TMTC1: variants seen among roughly 807,000 people sequenced by gnomAD.
TMTC1 encodes protein O-mannosyl-transferase TMTC1.
A neutral mutation model predicts 104.8 loss-of-function variants in TMTC1; 73 were observed. The ratio of observed to expected loss-of-function variants is 0.70; its 90% CI spans 0.58 to 0.85. The LOEUF (loss-of-function observed/expected upper bound fraction) is 0.85, where lower values mean the gene tolerates loss of function less well. Among genes scored for constraint, TMTC1 ranks in the 40% least tolerant of loss-of-function variants. The pLI, the probability that TMTC1 is intolerant of heterozygous loss-of-function variation, is 0.00. For missense variants in TMTC1, 1,035 were observed against 1,096.1 expected (o/e 0.94, Z 0.79); for synonymous variants, 434 against 428.7 (o/e 1.01, Z -0.15).
chr12:29,506,596 T>C lies in TMTC1; in HGVS notation c.*250A>G. The C allele has an allele frequency of 2.2e-6, 1 of 449,434 alleles. No individual in the cohort carries two copies. The highest frequency in any genetic ancestry group is 4.0e-6 in the Non-Finnish European group (1 of 249,268). 27.8% of individuals were successfully genotyped at this position (449,434 alleles called of 1,614,324 possible). On this transcript the variant is annotated 3_prime_UTR_variant, in exon 18 of 18. Transcript: ENST00000539277. The stretch of plus-strand genomic sequence containing the variant: ...TGGAGTTAAACCAAACAAAAATCTG[T>C]AAAATGTGTAAATGTCATTCTCCTT...
At chr12:29,745,922 A>G (rs2136956795) in intron 5 of TMTC1, among the ~76,000 whole-genome samples, 1 of 152,272 alleles carries the variant, frequency 6.6e-6, no homozygotes, top group South Asian at 2.1e-4. Flanking sequence ...ACATCTAAAG[A>G]CTTAACTATG....
Position 29,572,212 on chromosome 12 carries a change from T to C in TMTC1, c.1425A>G (p.Gly475=), listed in dbSNP as rs1592251743. 1 of 1,611,170 alleles carries C rather than the reference T, an allele frequency of 6.2e-7. No homozygotes were observed. Among genetic ancestry groups the C allele is most frequent in the East Asian group, 2.2e-5 (1 of 44,842 alleles). Residue 475 remains glycine (G), a synonymous_variant, in exon 9 of 18, where the codon GGA becomes GGG. Transcript: ENST00000539277. The part of the protein sequence containing the change: ...WLSRESLFRS[G]VQTLPHNAKV... ...TGGCATTGTGGGGCAGAGTTTGAAC[T>C]CCAGACCTAAAATGAATAAATTTTT... is the stretch of plus-strand genomic sequence containing the variant.
At chr12:29,731,523 CTG>C (rs1467671282) in intron 5 of TMTC1, among the ~76,000 whole-genome samples, 3 of 152,170 alleles carry the variant, frequency 2.0e-5, no homozygotes, top group South Asian at 2.1e-4. Flanking sequence ...AGAAAAGAAA[CTG>C]TTCAGGAACT....
intron 5 of TMTC1, among the ~76,000 whole-genome samples, chr12:29,644,034 AATATATAATTTAT>A (rs1241806812): frequency 7.1e-5 from 8 of 113,038 alleles, no homozygotes; most frequent in East Asian, 2.2e-4. Flanking sequence ...TATAAATATA[AATATATAATTTAT>A]ATATAAATAT....
intron 9 of TMTC1, among the ~76,000 whole-genome samples, chr12:29,564,957 A>T (rs1287151374): frequency 6.6e-6 from 1 of 152,216 alleles, no homozygotes; most frequent in African/African-American, 2.4e-5. Flanking sequence ...GATCAGCCTT[A>T]GGCGTGAAAA....
In TMTC1 at chr12:29,556,928, C is replaced by A. The variant is rs769221124; in HGVS notation, c.1605G>T (p.Met535Ile). Reference protein sequence around the residue: ...TLTRDTAEAKMYYQRALQLHP... With the variant: ...TLTRDTAEAKIYYQRALQLHP... ...GGAGCTGGAGAGCCCTCTGATAGTA[C>A]ATCTTTGCCTCTGCTGTGTCTCTCG... is the stretch of plus-strand genomic sequence containing the variant. The change falls in exon 10 of 18, where the codon ATG becomes ATT. Residue 535 changes from methionine (M) to isoleucine (I), a missense_variant. Met to Ile is a conservative substitution (Grantham distance 10, BLOSUM62 1). Transcript: ENST00000539277. 6.2e-7 allele frequency: 1 copy of A among 1,614,130 alleles called. No homozygotes were observed. Among genetic ancestry groups the A allele is most frequent in the Non-Finnish European group, 8.5e-7 (1 of 1,179,972 alleles).
At chr12:29,681,099 C>CAAAAAAAAAAAAAAAA (rs71045827) in intron 5 of TMTC1, among the ~76,000 whole-genome samples, 2 of 107,238 alleles carry the variant, frequency 1.9e-5, no homozygotes, top group East Asian at 2.4e-4. Flanking sequence ...ACCCTGTCTC[C>CAAAAAAAAAAAAAAAA]AAAAAAAAAA....
chr12:29,516,369 T>C lies in TMTC1; in HGVS notation c.2287A>G (p.Lys763Glu). 6.2e-7 allele frequency: 1 copy of C among 1,613,648 alleles called. No homozygotes were observed. Among genetic ancestry groups the C allele is most frequent in the Non-Finnish European group, 8.5e-7 (1 of 1,179,746 alleles). ...TTTACCTTGTCGTGGTTCTCCTGCT[T>C]GCTATAGATGGCTGACAAGAGGCGA... ...CYRLLSAIYS[K>E]QENHDKALDA... The change falls in exon 15 of 18, where the codon AAG (lysine) becomes GAG (glutamate). Residue 763 changes from lysine to glutamate, a missense_variant. Lys to Glu is a moderately conservative substitution (Grantham distance 56, BLOSUM62 1). Transcript: ENST00000539277.
At chr12:29,768,691 G>A (rs1943529215) in intron 1 of TMTC1, among the ~76,000 whole-genome samples, 1 of 152,132 alleles carries the variant, frequency 6.6e-6, no homozygotes, top group Admixed American at 6.5e-5. Context: ...ATGAGCAAAA[G>A]CATCATGTTC....
chr12:29,545,676 C>CACACACACACACACA (rs1555167547), intron 10 of TMTC1, among the ~76,000 whole-genome samples: 4 of 137,846 alleles, frequency 2.9e-5, no homozygotes, highest in African/African-American at 5.6e-5. Context: ...CACACACACA[C>CACACACACACACACA]GGATAGAAAC....
intron 13 of TMTC1, 146 bp downstream of exon 13, chr12:29,518,326 T>A: frequency 1.2e-6 from 1 of 860,136 alleles, no homozygotes; most frequent in Non-Finnish European, 1.7e-6. Flanking sequence ...TTGTGGTTGC[T>A]TTCTTTGGAG....
At chr12:29,773,186 G>A (rs564713444) in intron 1 of TMTC1, among the ~76,000 whole-genome samples, 1 of 152,216 alleles carries the variant, frequency 6.6e-6, no homozygotes, top group South Asian at 2.1e-4. Flanking sequence ...AAACTTCCCA[G>A]AAATGTAAGG....
At chr12:29,597,233 C>CT (rs200593152) in intron 7 of TMTC1, among the ~76,000 whole-genome samples, 1 of 131,340 alleles carries the variant, frequency 7.6e-6, no homozygotes, top group African/African-American at 3.7e-5. Context: ...TTCTTTCTTT[C>CT]TTTTCTTTCT....
At chr12:29,682,502 T>C (rs1940954463) in intron 5 of TMTC1, among the ~76,000 whole-genome samples, 2 of 152,176 alleles carry the variant, frequency 1.3e-5, no homozygotes, top group South Asian at 2.1e-4. Context: ...AAAACCAAAA[T>C]GTACCACAGT....
chr12:29,518,405 C>A (rs867414917), intron 13 of TMTC1, 67 bp downstream of exon 13: 1 of 1,566,422 alleles, frequency 6.4e-7, no homozygotes, highest in Non-Finnish European at 8.7e-7. Context: ...TTCTGATTAA[C>A]TAAGAAGCTG....
In TMTC1 at chr12:29,783,415, A is replaced by T. The variant is rs772637607; in HGVS notation, c.302+35T>A. On this transcript the variant is annotated intron_variant, in intron 1 of 17. Transcript: ENST00000539277. The surrounding 1 kb of genome is among the most constrained non-coding windows in gnomAD (Gnocchi z 4.7). ...CCGAGGGACGGGCGGAGGGTAGAGG[A>T]GGCAGCGGCGGCTAGCGCGAGGTGA... 20 of 1,283,488 alleles carry T rather than the reference A, an allele frequency of 1.6e-5. No homozygotes were observed. Among genetic ancestry groups the T allele is most frequent in the Non-Finnish European group, 1.8e-5 (18 of 1,012,186 alleles). The allele number at this position is 1,283,488 out of a possible 1,614,324, so 79.5% of individuals were successfully genotyped here. A position where few individuals can be genotyped will look rare whatever the true frequency, so the allele number is the denominator to read the frequency against.
At chr12:29,742,106 G>A (rs1370752431) in intron 5 of TMTC1, among the ~76,000 whole-genome samples, 1 of 151,944 alleles carries the variant, frequency 6.6e-6, no homozygotes, top group East Asian at 1.9e-4. Flanking sequence ...AAAAATCTCT[G>A]ATAAAGACTT....
chr12:29,680,562 G>GA (rs1940880294), intron 5 of TMTC1, among the ~76,000 whole-genome samples: 1 of 152,176 alleles, frequency 6.6e-6, no homozygotes, highest in African/African-American at 2.4e-5. Flanking sequence ...CTACGTTACA[G>GA]TCAATATTGC....
chr12:29,612,858 T>C (rs1168991268), intron 6 of TMTC1, among the ~76,000 whole-genome samples: 2 of 152,152 alleles, frequency 1.3e-5, no homozygotes, highest in Non-Finnish European at 2.9e-5. Context: ...GCTTGAGGGG[T>C]GGATAATAAT....
Sources: allele counts gnomAD v4.1 joint callset (sites outside exome capture counted in the v4.1 genomes callset), GRCh38; gene constraint gnomAD v4.1.1; non-coding constraint Gnocchi (gnomAD v3.1); transcripts MANE v1.5; gene names NCBI Gene and HGNC (gene_info 2026-07-23, HGNC 2026-07-21).